Variants in CERS6 observed in about 807,000 individuals in gnomAD.
CERS6 encodes the protein LAG1 homolog, ceramide synthase 6.
A neutral mutation model predicts 56.8 loss-of-function variants in CERS6; 26 were observed. That is an observed-to-expected ratio of 0.46 (90% CI 0.34 to 0.63). CERS6 has a LOEUF of 0.63. Among genes scored for constraint, CERS6 ranks in the 30% least tolerant of loss-of-function variants. CERS6 has a pLI of 0.01. For synonymous variants in CERS6, 164 were observed against 173.3 expected (o/e 0.95, Z 0.42); for missense variants, 415 against 467.5 (o/e 0.89, Z 1.04).
At chr2:168,703,142 T>TA (rs2105374715) in intron 6 of CERS6, among the ~76,000 whole-genome samples, 1 of 152,342 alleles carries the variant, frequency 6.6e-6, no homozygotes, top group Non-Finnish European at 1.5e-5. Flanking sequence ...GTGGGTATGT[T>TA]AATACTGATA....
chr2:168,552,923 C>G (rs1288809945), intron 2 of CERS6, among the ~76,000 whole-genome samples: 3 of 151,878 alleles, frequency 2.0e-5, no homozygotes, highest in Admixed American at 1.3e-4. Flanking sequence ...GCTAAAGAGG[C>G]AAATGAAAAC....
In CERS6 at chr2:168,547,581, T is replaced by C. The variant is rs763885998; in HGVS notation, c.171-15T>C. On this transcript the variant is annotated splice_polypyrimidine_tract_variant and intron_variant, in intron 1 of 9. Coordinates refer to ENST00000305747, the MANE Select transcript of CERS6 (RefSeq NM_203463.3). ...AAATTCTGACCTTCTACTTTTTTCT[T>C]TTTGTAATTTTTAGATTTGTAGCCA... 6.4e-7 allele frequency: 1 copy of C among 1,566,570 alleles called. No individual in the cohort carries two copies. Among genetic ancestry groups the C allele is most frequent in the South Asian group, 1.1e-5 (1 of 88,762 alleles).
At chr2:168,751,060 G>A (rs1684253820) in intron 8 of CERS6, among the ~76,000 whole-genome samples, 1 of 152,092 alleles carries the variant, frequency 6.6e-6, no homozygotes, top group South Asian at 2.1e-4. Flanking sequence ...CATAGCTGTG[G>A]TCACTGAGCT....
At chr2:168,664,608 G>T (rs1289810490) in intron 4 of CERS6, among the ~76,000 whole-genome samples, 3 of 152,196 alleles carry the variant, frequency 2.0e-5, no homozygotes, top group African/African-American at 4.8e-5. Flanking sequence ...ATTATTCGTG[G>T]TTCCCTTTTT....
chr2:168,533,171 G>A (rs1053727785), intron 1 of CERS6, among the ~76,000 whole-genome samples: 1 of 152,142 alleles, frequency 6.6e-6, no homozygotes, highest in Non-Finnish European at 1.5e-5. Flanking sequence ...TGTATATCTT[G>A]CATTGATTTT....
intron 1 of CERS6, among the ~76,000 whole-genome samples, chr2:168,524,849 T>C (rs1462699133): frequency 2.0e-5 from 3 of 150,996 alleles, no homozygotes; most frequent in Non-Finnish European, 4.4e-5. Context: ...TTATAGTATA[T>C]ATTAATATAT....
intron 1 of CERS6, among the ~76,000 whole-genome samples, chr2:168,514,220 A>G (rs552262967): frequency 2.6e-5 from 4 of 152,322 alleles, no homozygotes; most frequent in Admixed American, 2.6e-4. Context: ...TTTGCTCCCC[A>G]TGGCCTTAAA....
intron 6 of CERS6, among the ~76,000 whole-genome samples, chr2:168,714,652 T>G (rs1049353123): frequency 6.6e-6 from 1 of 152,214 alleles, no homozygotes; most frequent in South Asian, 2.1e-4. Context: ...GATCGCATTC[T>G]TGGTAGTCAC....
At chr2:168,580,398 G>A (rs770163157) in intron 3 of CERS6, among the ~76,000 whole-genome samples, 11 of 152,138 alleles carry the variant, frequency 7.2e-5, no homozygotes, top group African/African-American at 2.6e-4. Context: ...ATTACAACGG[G>A]TATACCTAAG....
At chr2:168,566,436 C>A (rs1412798030) in intron 3 of CERS6, among the ~76,000 whole-genome samples, 1 of 152,096 alleles carries the variant, frequency 6.6e-6, no homozygotes, top group Non-Finnish European at 1.5e-5. Context: ...AACCTGGGAC[C>A]CTTTCGAAAC....
At chr2:168,497,056 A>G (rs1574023074) in intron 1 of CERS6, among the ~76,000 whole-genome samples, 1 of 152,160 alleles carries the variant, frequency 6.6e-6, no homozygotes, top group African/African-American at 2.4e-5. Context: ...ATAATTCATC[A>G]CTGTGTCTCA....
At chr2:168,694,710 T>C (rs1353816810) in intron 5 of CERS6, among the ~76,000 whole-genome samples, 5 of 152,204 alleles carry the variant, frequency 3.3e-5, no homozygotes, top group African/African-American at 1.2e-4. Context: ...AACTGAATAA[T>C]GAATTGAGTC....
At chr2:168,609,659 T>C (rs1449438757) in intron 3 of CERS6, among the ~76,000 whole-genome samples, 2 of 152,174 alleles carry the variant, frequency 1.3e-5, no homozygotes, top group Non-Finnish European at 2.9e-5. Flanking sequence ...TTTTCCCTGC[T>C]CTGTGTTACC....
chr2:168,741,716 T>C (rs1574210216), intron 8 of CERS6, among the ~76,000 whole-genome samples: 1 of 152,312 alleles, frequency 6.6e-6, no homozygotes, highest in East Asian at 1.9e-4. Flanking sequence ...AAATGTTTAT[T>C]TCAGAGCTAC....
chr2:168,579,834 C>T (rs138464240), intron 3 of CERS6, among the ~76,000 whole-genome samples: 151 of 152,270 alleles, frequency 9.9e-4, no homozygotes, highest in Non-Finnish European at 1.9e-3. Context: ...TGTCAAGGTG[C>T]TCTCTGCTTG....
chr2:168,611,197 A>G (rs1284738163), intron 3 of CERS6, among the ~76,000 whole-genome samples: 1 of 152,204 alleles, frequency 6.6e-6, no homozygotes, highest in Admixed American at 6.5e-5. Flanking sequence ...CTGTGAAAAA[A>G]TGGGGAAAAT....
chr2:168,662,081 C>T (rs962970813), intron 4 of CERS6, among the ~76,000 whole-genome samples: 1 of 149,550 alleles, frequency 6.7e-6, no homozygotes, highest in East Asian at 2.0e-4. Flanking sequence ...TCATAATTAT[C>T]TTCAGCTGAG....
intron 1 of CERS6, among the ~76,000 whole-genome samples, chr2:168,533,092 A>G (rs1046237872): frequency 6.6e-6 from 1 of 152,248 alleles, no homozygotes. Context: ...TCTTCCTGAT[A>G]ACAAATTTTA....
intron 1 of CERS6, among the ~76,000 whole-genome samples, chr2:168,463,144 A>G (rs1217923401): frequency 6.6e-6 from 1 of 152,244 alleles, no homozygotes; most frequent in African/African-American, 2.4e-5. Context: ...TTTAGGAAAT[A>G]CACTTAACTT....
Sources: gnomAD v4.1 joint callset for allele counts (sites outside exome capture counted in the v4.1 genomes callset) on GRCh38, gnomAD v4.1.1 for gene constraint, MANE v1.5 for transcripts, NCBI Gene and HGNC (gene_info 2026-07-23, HGNC 2026-07-21) for gene names.